Variants in DNMT3B observed in about 807,000 individuals in gnomAD.
DNMT3B encodes the protein DNA methyltransferase 3 beta.
In DNMT3B, 37 loss-of-function variants were observed where a neutral mutation model predicts 120.2. The ratio of observed to expected loss-of-function variants is 0.31; its 90% CI spans 0.24 to 0.40. DNMT3B has a LOEUF of 0.40. DNMT3B is among the 10% of genes least tolerant of loss of function. The pLI, the probability that DNMT3B is intolerant of heterozygous loss-of-function variation, is 1.00. For missense variants in DNMT3B, 878 were observed against 1,137.3 expected (o/e 0.77, Z 3.28); for synonymous variants, 412 against 442.8 (o/e 0.93, Z 0.87).
intron 14 of DNMT3B, 50 bp from the exon 15 acceptor site, chr20:32,798,410 A>C: frequency 6.2e-7 from 1 of 1,611,334 alleles, no homozygotes; most frequent in East Asian, 2.2e-5. Context: ...GGGGTGGCAC[A>C]GGAGACCAGC....
intron 1 of DNMT3B, among the ~76,000 whole-genome samples, chr20:32,766,379 G>GTT (rs1157610536): frequency 1.4e-5 from 2 of 146,464 alleles, no homozygotes; most frequent in African/African-American, 2.5e-5. Flanking sequence ...GATAGCTTAA[G>GTT]TTTTTTTTTT....
intron 1 of DNMT3B, among the ~76,000 whole-genome samples, chr20:32,774,246 G>A (rs929048546): frequency 1.3e-5 from 2 of 151,148 alleles, no homozygotes; most frequent in Non-Finnish European, 2.9e-5. Context: ...GTCTCGCTCT[G>A]TCACCTAGGC....
rs572635923 is a variant in DNMT3B at position 32,799,145 on chromosome 20, G to T, written c.1675-99G>T. Reference sequence around the variant, plus strand: ...GGGCTTTTTGCAGTGGCTACGGCAAGGTTTGAAGCCCTCTGAGCAGGGTCA... The same window carrying T: ...GGGCTTTTTGCAGTGGCTACGGCAATGTTTGAAGCCCTCTGAGCAGGGTCA... On this transcript the variant is annotated intron_variant, in intron 15 of 22. Coordinates refer to ENST00000328111, the MANE Select transcript of DNMT3B (RefSeq NM_006892.4). The T allele has an allele frequency of 5.9e-6, 8 of 1,364,582 alleles. No individual in the cohort carries two copies. In the East Asian group the frequency reaches 1.7e-4, roughly 30 times the overall value. The allele number at this position is 1,364,582 out of a possible 1,614,324, so 84.5% of individuals were successfully genotyped here. A position where few individuals can be genotyped will look rare whatever the true frequency, so the allele number is the denominator to read the frequency against.
intron 1 of DNMT3B, among the ~76,000 whole-genome samples, chr20:32,766,518 CTT>C (rs1409151982): frequency 3.9e-5 from 6 of 152,146 alleles, no homozygotes; most frequent in African/African-American, 1.4e-4. Context: ...CTCTAGGTCA[CTT>C]TTCACTCAGA....
At position 32,806,254 on chromosome 20, in the gene DNMT3B, CAG is replaced by C. The variant is rs1368779496; in HGVS notation, c.2348_2349del (p.Gln783ArgfsTer21). On this transcript the variant is annotated frameshift_variant, in exon 22 of 23. Coordinates refer to ENST00000328111, the MANE Select transcript of DNMT3B (RefSeq NM_006892.4). LOFTEE classifies it high-confidence loss of function. ...TITTKSNSIK[Q>X]GKNQLFPVVM... ...AACCACCAAGTCGAACTCGATCAAA[CAG>C]GGGAAAAACCAACTTTTCCCTGTTG... The C allele has an allele frequency of 3.7e-6, 6 of 1,614,064 alleles. No individual in the cohort carries two copies. Among genetic ancestry groups the C allele is most frequent in the Non-Finnish European group, 4.2e-6 (5 of 1,180,056 alleles).
chr20:32,804,508 C>T (rs186034166), intron 20 of DNMT3B, among the ~76,000 whole-genome samples: 4 of 152,266 alleles, frequency 2.6e-5, no homozygotes, highest in Admixed American at 2.0e-4. Context: ...TTGGCCTTGA[C>T]GTTCCTAACA....
Position 32,793,598 on chromosome 20 carries a change from A to G in DNMT3B, c.1126+3A>G. 1 of 1,613,858 alleles carries G rather than the reference A, an allele frequency of 6.2e-7. No individual in the cohort carries two copies. Among genetic ancestry groups the G allele is most frequent in the Non-Finnish European group, 8.5e-7 (1 of 1,179,880 alleles). ...GAAATTAGAATCAAGGAAATACGGT[A>G]TTTCCTTCCTGTCTTTTGACTGTGC... On this transcript the variant is annotated splice_donor_region_variant and intron_variant, in intron 10 of 22. Transcript: ENST00000328111.
rs754734640 is a variant in DNMT3B, at chr20:32,781,375, C to G, written c.165C>G (p.Leu55=). Residue 55 remains leucine (L), a synonymous_variant, in exon 3 of 23, where the codon CTC becomes CTG. Transcript: ENST00000328111. ...CAGGCCGAAGATCAAGCTCGCGACTCTCCAAGAGGGAGGTGTCCAGTCTGC... is the reference window on the plus strand; with the variant it reads ...CAGGCCGAAGATCAAGCTCGCGACTGTCCAAGAGGGAGGTGTCCAGTCTGC... ...EIRGRRSSSR[L]SKREVSSLLS... is the part of the protein sequence containing the mutation. 5 of 1,614,090 alleles carry G rather than the reference C, an allele frequency of 3.1e-6. No homozygotes were observed. The highest frequency in any genetic ancestry group is 4.5e-5 in the East Asian group (2 of 44,886).
rs1980937463 is a variant in DNMT3B, at chr20:32,798,582, G to A, written c.1613G>A (p.Arg538His). 2 of 1,614,234 alleles carry A rather than the reference G, an allele frequency of 1.2e-6. No individual in the cohort carries two copies. Among genetic ancestry groups the A allele is most frequent in the South Asian group, 1.1e-5 (1 of 91,088 alleles). Reference sequence around the variant, plus strand: ...CAGCGCTGTCATGGCGTCCTGCGGCGCCGGAAGGACTGGAACGTGCGCCTG... The same window carrying A: ...CAGCGCTGTCATGGCGTCCTGCGGCACCGGAAGGACTGGAACGTGCGCCTG... ...LPQRCHGVLR[R>H]RKDWNVRLQA... is the part of the protein sequence containing the mutation. Residue 538 changes from arginine to histidine, a missense_variant, in exon 15 of 23, where the codon CGC becomes CAC. This residue lies in a region of DNMT3B where 334 missense variants were observed against 518.8 expected (regional missense o/e 0.64). Coordinates refer to ENST00000328111, the MANE Select transcript of DNMT3B (RefSeq NM_006892.4).
intron 1 of DNMT3B, among the ~76,000 whole-genome samples, chr20:32,775,768 C>A (rs886944036): frequency 5.3e-5 from 8 of 152,252 alleles, no homozygotes; most frequent in Non-Finnish European, 1.2e-4. Context: ...ATTCATTGTT[C>A]ATAACTTCTG....
chr20:32,795,422 A>C lies in DNMT3B; in HGVS notation c.1140A>C (p.Arg380=), dbSNP rs778152458. The part of the protein sequence containing the change: ...LESRKYENKT[R]RRTADDSATS... ...TACCTTTCACAGAGAACAAGACTCG[A>C]AGACGCACAGCTGACGACTCAGCCA... is the stretch of plus-strand genomic sequence containing the variant. Residue 380 remains arginine, a synonymous_variant, in exon 11 of 23, where the codon CGA becomes CGC. Coordinates refer to ENST00000328111, the MANE Select transcript of DNMT3B (RefSeq NM_006892.4). 6.2e-7 allele frequency: 1 copy of C among 1,614,090 alleles called. No individual in the cohort carries two copies. The highest frequency in any genetic ancestry group is 8.5e-7 in the Non-Finnish European group (1 of 1,179,986).
chr20:32,799,182 C>A, intron 15 of DNMT3B, 62 bp from the exon 16 acceptor site: 1 of 1,555,672 alleles, frequency 6.4e-7, no homozygotes, highest in Non-Finnish European at 8.8e-7. Context: ...CCTGCCCCTC[C>A]CTCAGAGCTT....
Position 32,791,680 on chromosome 20 carries a change from A to G in DNMT3B, c.893A>G (p.Tyr298Cys). 6.2e-7 allele frequency: 1 copy of G among 1,614,084 alleles called. No individual in the cohort carries two copies. Among genetic ancestry groups the G allele is most frequent in the Non-Finnish European group, 8.5e-7 (1 of 1,179,948 alleles). ...NLATFNKLVS[Y>C]RKAMYHALEK... ...GCCACCTTCAATAAGCTCGTCTCCT[A>G]TCGAAAAGCCATGTACCATGCTCTG... is the stretch of plus-strand genomic sequence containing the variant. Residue 298 changes from tyrosine to cysteine, a missense_variant, in exon 8 of 23, where the codon TAT becomes TGT. Physicochemically the swap from Tyr to Cys is radical, Grantham distance 194 (BLOSUM62 -2). This residue lies in a region of DNMT3B where 207 missense variants were observed against 222.6 expected (regional missense o/e 0.93). Coordinates refer to ENST00000328111, the MANE Select transcript of DNMT3B (RefSeq NM_006892.4).
At position 32,787,201 on chromosome 20, in the gene DNMT3B, G is replaced by A. The variant is rs144837955; in HGVS notation, c.433-29G>A. 53 of 1,614,094 alleles carry A rather than the reference G, an allele frequency of 3.3e-5. No individual in the cohort carries two copies. In the East Asian group the frequency reaches 1.1e-3, roughly 35 times the overall value. On this transcript the variant is annotated intron_variant, in intron 5 of 22. Transcript: ENST00000328111. ...CTGGTCACCGACATCCTTTGCTCTG[G>A]CCCAAACTATGTGTCCTTCTGTCCA...
chr20:32,800,879 A>G lies in DNMT3B; in HGVS notation c.1950A>G (p.Pro650=), dbSNP rs756141854. The change falls in exon 18 of 23, where the codon CCA becomes CCG. Residue 650 remains proline, a synonymous_variant. Coordinates refer to ENST00000328111, the MANE Select transcript of DNMT3B (RefSeq NM_006892.4). ...TTGACTTGGTGATTGGCGGAAGCCCATGCAACGATCTCTCAAATGTGAATC... is the reference window on the plus strand; with the variant it reads ...TTGACTTGGTGATTGGCGGAAGCCCGTGCAACGATCTCTCAAATGTGAATC... ...GPFDLVIGGS[P]CNDLSNVNPA... The G allele has an allele frequency of 1.2e-6, 2 of 1,614,220 alleles. No homozygotes were observed. The highest frequency in any genetic ancestry group is 1.7e-5 in the Admixed American group (1 of 60,034).
Position 32,800,828 on chromosome 20 carries a change from C to A in DNMT3B, c.1906-7C>A, listed in dbSNP as rs1568858417. 2 of 1,607,170 alleles carry A rather than the reference C, an allele frequency of 1.2e-6. No individual in the cohort carries two copies. The highest frequency in any genetic ancestry group is 2.7e-5 in the African/African-American group (2 of 74,636). On this transcript the variant is annotated splice_polypyrimidine_tract_variant and splice_region_variant and intron_variant, in intron 17 of 22. Coordinates refer to ENST00000328111, the MANE Select transcript of DNMT3B (RefSeq NM_006892.4). ...ACCCTCATCCTGACTCTGTCTCTCT[C>A]TTTCAGATTGAAGAATGGGGCCCAT...
intron 1 of DNMT3B, among the ~76,000 whole-genome samples, chr20:32,765,978 C>T (rs554652804): frequency 2.6e-5 from 4 of 151,868 alleles, no homozygotes; most frequent in Admixed American, 1.3e-4. Context: ...AGGATGGTCT[C>T]AATCTCCTGA....
At chr20:32,782,476 A>G (rs1978742106) in intron 3 of DNMT3B, among the ~76,000 whole-genome samples, 1 of 152,240 alleles carries the variant, frequency 6.6e-6, no homozygotes, top group Non-Finnish European at 1.5e-5. Flanking sequence ...CTAAGACTGC[A>G]GTGAAACCAG....
chr20:32,799,262 C>T lies in DNMT3B; in HGVS notation c.1693C>T (p.Pro565Ser). 6.2e-7 allele frequency: 1 copy of T among 1,613,146 alleles called. No homozygotes were observed. The highest frequency in any genetic ancestry group is 8.5e-7 in the Non-Finnish European group (1 of 1,179,684). Residue 565 changes from proline (P) to serine (S), a missense_variant, in exon 16 of 23, where the codon CCT becomes TCT. Physicochemically the swap from Pro to Ser is moderately conservative, Grantham distance 74. Coordinates refer to ENST00000328111, the MANE Select transcript of DNMT3B (RefSeq NM_006892.4). ...CTGGCAGGAAGCCCCCAAGCTGTAC[C>T]CTGCCATTCCCGCAGCCCGAAGGCG... ...GLEYEAPKLY[P>S]AIPAARRRPI...
Sources: gnomAD v4.1 joint callset for allele counts (sites outside exome capture counted in the v4.1 genomes callset) on GRCh38, gnomAD v4.1.1 for gene constraint, gnomAD v4.1.1 regional missense constraint, MANE v1.5 for transcripts, NCBI Gene and HGNC (gene_info 2026-07-23, HGNC 2026-07-21) for gene names.